Variants in USP15 observed in about 807,000 individuals in gnomAD.
The protein encoded by USP15 is ubiquitin carboxyl-terminal hydrolase 15.
Under a neutral mutation model 127.1 loss-of-function variants are expected in USP15, and 18 were observed. That is an observed-to-expected ratio of 0.14 (90% CI 0.10 to 0.21). USP15 has a LOEUF of 0.21. Among genes scored for constraint, USP15 ranks in the 10% least tolerant of loss-of-function variants. The probability of loss-of-function intolerance (pLI) is 1.00; values close to 1 mark genes in which losing one functional copy is unlikely to be tolerated. For synonymous variants in USP15, 364 were observed against 393.7 expected (o/e 0.92, Z 0.89); for missense variants, 805 against 1,159.9 (o/e 0.69, Z 4.44).
intron 6 of USP15, chr12:62,328,349 A>G: frequency 2.2e-6 from 1 of 448,258 alleles, no homozygotes; most frequent in South Asian, 1.6e-5. Context: ...GTATGAAAGC[A>G]GCCTTAGACA....
chr12:62,343,333 CT>C (rs1406915919), intron 6 of USP15, among the ~76,000 whole-genome samples: 1 of 152,180 alleles, frequency 6.6e-6, no homozygotes, highest in Non-Finnish European at 1.5e-5. Flanking sequence ...CCAGTGGTTC[CT>C]AGCTTTCTGG....
At chr12:62,261,610 C>T (rs34002679) in intron 1 of USP15, among the ~76,000 whole-genome samples, 7,058 of 152,246 alleles carry the variant, frequency 0.046, 228 homozygotes, top group Middle Eastern at 0.11. Context: ...ACCTCATTAT[C>T]TTCATGCTGT....
Position 62,416,279 on chromosome 12 carries a change from C to G in USP15, c.*11904C>G, listed in dbSNP as rs1291684183. 1 of 152,176 alleles carries G rather than the reference C, an allele frequency of 6.6e-6. No homozygotes were observed. Among genetic ancestry groups the G allele is most frequent in the Non-Finnish European group, 1.5e-5 (1 of 68,030 alleles). The allele number at this position is 152,176 out of a possible 1,614,324, so 9.4% of individuals were successfully genotyped here. A position where few individuals can be genotyped will look rare whatever the true frequency, so the allele number is the denominator to read the frequency against. On this transcript the variant is annotated 3_prime_UTR_variant, in exon 22 of 22. Coordinates refer to ENST00000280377, the MANE Select transcript of USP15 (RefSeq NM_001252078.2). ...TATAAGTTACGTGTGTCTCTTCCCC[C>G]ACTAGACAATTACCTGATGGAAGAA...
chr12:62,272,538 G>A (rs528785179), intron 1 of USP15, among the ~76,000 whole-genome samples: 48 of 151,968 alleles, frequency 3.2e-4, no homozygotes, highest in Non-Finnish European at 5.7e-4. Flanking sequence ...TTTATACTCT[G>A]TTGTATCTGG....
At chr12:62,396,846 A>G (rs772555311) in intron 20 of USP15, among the ~76,000 whole-genome samples, 2 of 152,146 alleles carry the variant, frequency 1.3e-5, no homozygotes, top group Non-Finnish European at 2.9e-5. Flanking sequence ...TACATCTGCC[A>G]TATTTTATCT....
chr12:62,382,305 A>G (rs896708152), intron 9 of USP15, among the ~76,000 whole-genome samples: 7 of 151,982 alleles, frequency 4.6e-5, no homozygotes, highest in South Asian at 2.1e-4. Context: ...AAAAATGCCT[A>G]CTTAATTATA....
chr12:62,323,034 G>A (rs1043099260), intron 5 of USP15, among the ~76,000 whole-genome samples: 19 of 152,188 alleles, frequency 1.2e-4, no homozygotes, highest in Non-Finnish European at 2.2e-4. Flanking sequence ...TAGGCCAGCC[G>A]TATCAGATTA....
intron 1 of USP15, among the ~76,000 whole-genome samples, chr12:62,290,926 A>C (rs898105616): frequency 6.6e-6 from 1 of 151,760 alleles, no homozygotes; most frequent in Non-Finnish European, 1.5e-5. Flanking sequence ...CTTTAAGCCT[A>C]TTTTGAAAAT....
At chr12:62,356,797 A>C (rs2066145384) in intron 8 of USP15, among the ~76,000 whole-genome samples, 1 of 152,054 alleles carries the variant, frequency 6.6e-6, no homozygotes, top group Non-Finnish European at 1.5e-5. Context: ...AAGAAAGCCA[A>C]AATGTATTAT....
chr12:62,366,855 T>C (rs2066491191), intron 8 of USP15, among the ~76,000 whole-genome samples: 1 of 152,228 alleles, frequency 6.6e-6, no homozygotes, highest in East Asian at 1.9e-4. Context: ...ATTACTTTTA[T>C]TGATTTGCAT....
At chr12:62,280,184 A>C (rs2063608575) in intron 1 of USP15, among the ~76,000 whole-genome samples, 1 of 152,186 alleles carries the variant, frequency 6.6e-6, no homozygotes, top group Non-Finnish European at 1.5e-5. Context: ...TTAATATGTT[A>C]ATAATTAATA....
intron 8 of USP15, among the ~76,000 whole-genome samples, chr12:62,371,524 A>G (rs1186565561): frequency 6.6e-6 from 1 of 152,202 alleles, no homozygotes; most frequent in East Asian, 1.9e-4. Flanking sequence ...CTCTATAGCA[A>G]TTTGATAGGG....
At chr12:62,299,069 A>G (rs542416848) in intron 2 of USP15, among the ~76,000 whole-genome samples, 1 of 151,942 alleles carries the variant, frequency 6.6e-6, no homozygotes, top group Non-Finnish European at 1.5e-5. Context: ...GTCTGTATGT[A>G]TTTGCTTATT....
chr12:62,298,830 C>CAAAA (rs1163091790), intron 2 of USP15, among the ~76,000 whole-genome samples: 265 of 64,466 alleles, frequency 4.1e-3, no homozygotes, highest in Middle Eastern at 0.02. Flanking sequence ...CCCTGTCTTG[C>CAAAA]AAAAAAAAAA....
intron 1 of USP15, among the ~76,000 whole-genome samples, chr12:62,281,205 C>A (rs954192915): frequency 6.6e-6 from 1 of 152,088 alleles, no homozygotes; most frequent in African/African-American, 2.4e-5. Flanking sequence ...AAAATCTTTT[C>A]ATTTATTTGT....
At position 62,391,960 on chromosome 12, in the gene USP15, T is replaced by C. The variant is rs2067338447; in HGVS notation, c.2304+74T>C. 7 of 1,364,654 alleles carry C rather than the reference T, an allele frequency of 5.1e-6. No homozygotes were observed. The Admixed American group carries it at 8.6e-5, about 17-fold the overall frequency. 84.5% of individuals were successfully genotyped at this position (1,364,654 alleles called of 1,614,324 possible). On this transcript the variant is annotated intron_variant, in intron 17 of 21. Coordinates refer to ENST00000280377, the MANE Select transcript of USP15 (RefSeq NM_001252078.2). ...GTGATTACCAGAGATAATCATACTGTTGTGTTACACTCTTTGCTTCCACCA... is the reference window on the plus strand; with the variant it reads ...GTGATTACCAGAGATAATCATACTGCTGTGTTACACTCTTTGCTTCCACCA...
In USP15 at chr12:62,295,951, T is replaced by C. The variant is rs2064116132; in HGVS notation, c.217+1645T>C. On this transcript the variant is annotated intron_variant, in intron 2 of 21. Transcript: ENST00000280377. ...GTTATGTGGCAAAAAGAGACTATCC[T>C]GGTGAACGTAATCTAATCACACATA... Among the ~76,000 whole-genome samples the C allele has an allele frequency of 2.6e-5, 4 of 152,368 alleles. No homozygotes were observed. The South Asian group carries it at 8.3e-4, about 32-fold the overall frequency.
intron 2 of USP15, among the ~76,000 whole-genome samples, chr12:62,296,500 G>A (rs938937811): frequency 6.6e-6 from 1 of 152,168 alleles, no homozygotes; most frequent in African/African-American, 2.4e-5. Context: ...CTAATGGGAT[G>A]GGATAGTTCA....
rs748851180 is a variant in USP15 at position 62,389,877 on chromosome 12, C to T, written c.1733C>T (p.Ser578Leu). The T allele has an allele frequency of 8.7e-6, 14 of 1,613,852 alleles. No individual in the cohort carries two copies. The highest frequency in any genetic ancestry group is 4.4e-5 in the South Asian group (4 of 91,060). Reference protein sequence around the residue: ...PVCLREKFRHSSYTHHTGSSL... With the variant: ...PVCLREKFRHLSYTHHTGSSL... Reference sequence around the variant, plus strand: ...TGCCTAAGAGAAAAATTCAGACACTCGAGTTATACCCACCATACTGGTTCT... The same window carrying T: ...TGCCTAAGAGAAAAATTCAGACACTTGAGTTATACCCACCATACTGGTTCT... The change falls in exon 14 of 22, where the codon TCG becomes TTG. Residue 578 changes from serine to leucine, a missense_variant. Around this residue, in one of 11 missense-constraint regions of USP15, gnomAD observed 3 missense variants for 17.2 expected, o/e 0.17. Transcript: ENST00000280377.
Sources: allele counts gnomAD v4.1 joint callset (sites outside exome capture counted in the v4.1 genomes callset), GRCh38; gene constraint gnomAD v4.1.1; regional missense constraint gnomAD v4.1.1; transcripts MANE v1.5; gene names NCBI Gene and HGNC (gene_info 2026-07-23, HGNC 2026-07-21).